Variants in PTPN21 observed in about 807,000 individuals in gnomAD.
PTPN21 encodes the protein tyrosine-protein phosphatase non-receptor type 21.
Under a neutral mutation model 131.8 loss-of-function variants are expected in PTPN21, and 77 were observed. The ratio of observed to expected loss-of-function variants is 0.58; its 90% confidence interval spans 0.49 to 0.71. The LOEUF (loss-of-function observed/expected upper bound fraction) is 0.71. Among genes scored for constraint, PTPN21 ranks in the 30% least tolerant of loss-of-function variants. The pLI, the probability that PTPN21 is intolerant of heterozygous loss-of-function variation, is 0.00. For missense variants in PTPN21, 1,552 were observed against 1,527.1 expected (o/e 1.02, Z -0.27); for synonymous variants, 715 against 621.3 (o/e 1.15, Z -2.24).
At chr14:88,511,076 C>T (rs374566097) in intron 3 of PTPN21, among the ~76,000 whole-genome samples, 4 of 151,906 alleles carry the variant, frequency 2.6e-5, no homozygotes, top group South Asian at 4.2e-4. Flanking sequence ...CCACAGCTGG[C>T]TAAATTTTTT....
Position 88,469,389 on chromosome 14 carries a change from C to T in PTPN21, c.3235+110G>A, listed in dbSNP as rs547955581. On this transcript the variant is annotated intron_variant, in intron 17 of 18. Transcript: ENST00000556564. This position sits in a 1 kb window ranked among gnomAD's most constrained non-coding sequence, Gnocchi z 4.3. The stretch of plus-strand genomic sequence containing the variant: ...TGTATTCTTTATGTTAAAACAAGTC[C>T]GAAGCTTATATGAGATAACATAAAG... 7.1e-5 allele frequency: 71 copies of T among 999,044 alleles called. No individual in the cohort carries two copies. Among genetic ancestry groups the T allele is most frequent in the South Asian group, 6.9e-4 (44 of 63,316 alleles). 61.9% of individuals were successfully genotyped at this position (999,044 alleles called of 1,614,324 possible).
At chr14:88,507,174 C>G (rs1346996) in intron 4 of PTPN21, among the ~76,000 whole-genome samples, 1 of 151,896 alleles carries the variant, frequency 6.6e-6, no homozygotes. Flanking sequence ...AAACTGTAAG[C>G]GAATATAACC....
At chr14:88,496,634 A>G in intron 9 of PTPN21, 142 bp from the exon 10 acceptor site, 1 of 650,776 alleles carries the variant, frequency 1.5e-6, no homozygotes, top group Non-Finnish European at 2.7e-6. Context: ...TCATTTTCCA[A>G]CACTGTGCCC....
At chr14:88,473,515 C>T (rs1227875271) in intron 14 of PTPN21, 150 bp downstream of exon 14, 1 of 882,300 alleles carries the variant, frequency 1.1e-6, no homozygotes, top group African/African-American at 1.8e-5. Flanking sequence ...TACATTTGCC[C>T]CAATTTTGAG....
chr14:88,545,026 C>T (rs1011679378), intron 2 of PTPN21, among the ~76,000 whole-genome samples: 2 of 152,090 alleles, frequency 1.3e-5, no homozygotes, highest in Admixed American at 1.3e-4. Context: ...GATGGGGTTT[C>T]ACCATGTTGG....
intron 3 of PTPN21, among the ~76,000 whole-genome samples, chr14:88,508,388 C>A (rs1453421655): frequency 1.3e-5 from 2 of 151,966 alleles, no homozygotes; most frequent in African/African-American, 4.8e-5. Flanking sequence ...TGGGCTCAGG[C>A]AATCCTAGTG....
At chr14:88,549,516 A>G (rs1368092502) in intron 2 of PTPN21, among the ~76,000 whole-genome samples, 2 of 152,200 alleles carry the variant, frequency 1.3e-5, no homozygotes, top group Non-Finnish European at 1.5e-5. Flanking sequence ...CAACTCAGAC[A>G]TCCCAGCCAG....
chr14:88,548,382 C>T (rs1436764503), intron 2 of PTPN21, among the ~76,000 whole-genome samples: 4 of 152,174 alleles, frequency 2.6e-5, no homozygotes, highest in African/African-American at 7.2e-5. Context: ...GCTTCCTCTG[C>T]GTCTTTGGTC....
At chr14:88,551,847 A>T (rs1047805358) in intron 1 of PTPN21, 1 of 152,286 alleles carries the variant, frequency 6.6e-6, no homozygotes, top group Non-Finnish European at 1.5e-5. Flanking sequence ...GGGCTCTAAC[A>T]GTTTTTAACC....
chr14:88,482,469 A>T (rs1186940177), intron 12 of PTPN21, among the ~76,000 whole-genome samples: 1 of 152,088 alleles, frequency 6.6e-6, no homozygotes, highest in Non-Finnish European at 1.5e-5. Flanking sequence ...TACTAAAAAT[A>T]CAAAATTAGC....
chr14:88,480,938 G>C (rs1226697184), intron 12 of PTPN21, among the ~76,000 whole-genome samples: 1 of 152,180 alleles, frequency 6.6e-6, no homozygotes, highest in Non-Finnish European at 1.5e-5. Flanking sequence ...AACAGCTGCA[G>C]CTGCCCCCTG....
chr14:88,530,476 T>TA (rs1281874962), intron 2 of PTPN21, among the ~76,000 whole-genome samples: 3 of 152,138 alleles, frequency 2.0e-5, no homozygotes, highest in African/African-American at 7.2e-5. Flanking sequence ...ATGCTTCCCT[T>TA]AAAAGATACA....
chr14:88,538,631 T>C (rs2078662449), intron 2 of PTPN21, among the ~76,000 whole-genome samples: 1 of 152,204 alleles, frequency 6.6e-6, no homozygotes, highest in Admixed American at 6.5e-5. Flanking sequence ...CAAAAACTAC[T>C]GTCACATTTA....
intron 10 of PTPN21, among the ~76,000 whole-genome samples, chr14:88,490,712 T>C (rs1226638643): frequency 6.6e-6 from 1 of 152,248 alleles, no homozygotes; most frequent in Non-Finnish European, 1.5e-5. Flanking sequence ...CCGGCTGCTA[T>C]GTTCACCAAC....
chr14:88,483,054 T>C (rs753472484), intron 12 of PTPN21, among the ~76,000 whole-genome samples: 2 of 151,288 alleles, frequency 1.3e-5, no homozygotes, highest in Admixed American at 6.6e-5. Context: ...CTACTAAAAA[T>C]ACAAAAAATT....
At chr14:88,519,438 T>C (rs2078356131) in intron 2 of PTPN21, among the ~76,000 whole-genome samples, 1 of 152,210 alleles carries the variant, frequency 6.6e-6, no homozygotes, top group Non-Finnish European at 1.5e-5. Flanking sequence ...TTTAATATTA[T>C]ACAATTTTAA....
intron 3 of PTPN21, among the ~76,000 whole-genome samples, chr14:88,510,353 G>A (rs530780631): frequency 7.2e-5 from 11 of 152,196 alleles, no homozygotes; most frequent in East Asian, 5.8e-4. Context: ...AGGCATAATC[G>A]CACTCATTAC....
At chr14:88,549,401 A>G (rs932525305) in intron 2 of PTPN21, among the ~76,000 whole-genome samples, 4 of 152,200 alleles carry the variant, frequency 2.6e-5, no homozygotes, top group Admixed American at 2.0e-4. Context: ...TAGAGGGGGA[A>G]TATAAACATA....
chr14:88,472,417 A>C lies in PTPN21; in HGVS notation c.2698T>G (p.Tyr900Asp). The part of the protein sequence containing the change: ...RLEQGMVFTE[Y>D]ERILKKRLVD... ...AGCCGTTTCTTAAGAATTCTTTCAT[A>C]TTCTGTGAATACCATTCCTTGTTCT... The change falls in exon 15 of 19, where the codon TAT becomes GAT. Residue 900 changes from tyrosine (Y) to aspartate (D), a missense_variant. This residue lies in a region of PTPN21 where 316 missense variants were observed against 378.5 expected (regional missense o/e 0.83). Coordinates refer to ENST00000556564, the MANE Select transcript of PTPN21 (RefSeq NM_007039.4). The C allele has an allele frequency of 6.2e-7, 1 of 1,613,952 alleles. No individual in the cohort carries two copies. Among genetic ancestry groups the C allele is most frequent in the South Asian group, 1.1e-5 (1 of 91,070 alleles).
Sources: allele counts gnomAD v4.1 joint callset (sites outside exome capture counted in the v4.1 genomes callset), GRCh38; gene constraint gnomAD v4.1.1; regional missense constraint gnomAD v4.1.1; non-coding constraint Gnocchi (gnomAD v3.1); transcripts MANE v1.5; gene names NCBI Gene and HGNC (gene_info 2026-07-23, HGNC 2026-07-21).